The following EYA2 variants were observed in gnomAD, a reference collection of about 807,000 sequenced individuals.
The protein encoded by EYA2 is EYA transcriptional coactivator and phosphatase 2.
Under a neutral mutation model 69.2 loss-of-function variants are expected in EYA2, and 31 were observed. The ratio of observed to expected loss-of-function variants is 0.45; its 90% confidence interval spans 0.34 to 0.60. EYA2 has a LOEUF of 0.60. Among genes scored for constraint, EYA2 ranks in the 20% least tolerant of loss-of-function variants. EYA2 has a pLI of 0.02. For missense variants in EYA2, 622 were observed against 701.2 expected (o/e 0.89, Z 1.28); for synonymous variants, 257 against 279.4 (o/e 0.92, Z 0.80).
chr20:47,025,432 G>A (rs1490286538), intron 5 of EYA2, among the ~76,000 whole-genome samples: 1 of 152,198 alleles, frequency 6.6e-6, no homozygotes, highest in Non-Finnish European at 1.5e-5. Flanking sequence ...ACACTCTTCT[G>A]CACTTCGTTT....
chr20:46,978,639 G>A (rs1267382770), intron 1 of EYA2: 1 of 534,708 alleles, frequency 1.9e-6, no homozygotes, highest in Admixed American at 1.9e-5. Context: ...AGGATGAGGT[G>A]AGGCGGGCAG....
chr20:47,028,071 C>T (rs1984197406), intron 5 of EYA2, among the ~76,000 whole-genome samples: 1 of 152,088 alleles, frequency 6.6e-6, no homozygotes, highest in African/African-American at 2.4e-5. Context: ...AATGGGATTG[C>T]TGTTCTTATA....
chr20:47,084,069 A>G (rs544800864), intron 7 of EYA2, among the ~76,000 whole-genome samples: 1 of 152,122 alleles, frequency 6.6e-6, no homozygotes, highest in East Asian at 1.9e-4. Flanking sequence ...AACATGGTGA[A>G]ACCCTGTGTC....
intron 8 of EYA2, 49 bp from the exon 9 acceptor site, chr20:47,097,036 A>T: frequency 1.5e-6 from 2 of 1,337,460 alleles, no homozygotes; most frequent in Non-Finnish European, 2.1e-6. Context: ...ATTAAGTCAG[A>T]TGCACGTGAG....
intron 1 of EYA2, among the ~76,000 whole-genome samples, chr20:46,953,831 G>T (rs143608050): frequency 1.3e-5 from 2 of 152,014 alleles, no homozygotes; most frequent in Admixed American, 6.6e-5. Flanking sequence ...GGCATAGATC[G>T]CGTGAATAAG....
At chr20:47,054,507 G>A (rs1014032652) in intron 5 of EYA2, among the ~76,000 whole-genome samples, 11 of 152,254 alleles carry the variant, frequency 7.2e-5, no homozygotes, top group Non-Finnish European at 1.6e-4. Context: ...GCATGTGTGG[G>A]GGGCTGCTTG....
intron 9 of EYA2, among the ~76,000 whole-genome samples, chr20:47,105,348 G>A (rs1004507502): frequency 2.0e-5 from 3 of 152,142 alleles, no homozygotes; most frequent in Admixed American, 1.3e-4. Context: ...CCAGTGGCTG[G>A]GCGTGGTGGC....
intron 9 of EYA2, among the ~76,000 whole-genome samples, chr20:47,098,975 A>C (rs1445155245): frequency 1.3e-5 from 2 of 152,202 alleles, no homozygotes; most frequent in African/African-American, 4.8e-5. Context: ...GGTTTCTCCC[A>C]GAAGATCCTG....
chr20:47,088,611 G>T lies in EYA2; in HGVS notation c.662-628G>T, dbSNP rs147258151. Among the ~76,000 whole-genome samples the T allele has an allele frequency of 5.9e-4, 90 of 152,176 alleles. 1 individual carries two copies. Among genetic ancestry groups the T allele is most frequent in the African/African-American group, 2.0e-3 (84 of 41,540 alleles). ...TACTTGATTGGTTGATTTTAGAGAA[G>T]AGGCCTCGCTCTGTTATCCAGGTTG... is the stretch of plus-strand genomic sequence containing the variant. On this transcript the variant is annotated intron_variant, in intron 7 of 15. Transcript: ENST00000327619.
intron 9 of EYA2, among the ~76,000 whole-genome samples, chr20:47,137,522 A>G (rs2033504485): frequency 6.6e-6 from 1 of 152,182 alleles, no homozygotes; most frequent in South Asian, 2.1e-4. Context: ...AAAGCTGTCT[A>G]TTTTAGGCTT....
chr20:46,947,241 CTT>C, intron 1 of EYA2, among the ~76,000 whole-genome samples: 1 of 151,960 alleles, frequency 6.6e-6, no homozygotes, highest in Middle Eastern at 3.4e-3. Context: ...CCCAGGTTCT[CTT>C]GTCTAGTCTT....
intron 4 of EYA2, among the ~76,000 whole-genome samples, chr20:47,010,332 C>T (rs376923285): frequency 2.0e-5 from 3 of 147,084 alleles, no homozygotes; most frequent in Admixed American, 1.4e-4. Flanking sequence ...CTGCTGTGCT[C>T]GCAGCAGGTG....
chr20:46,929,152 C>CAAAAAAA (rs11329475), intron 1 of EYA2, among the ~76,000 whole-genome samples: 6 of 98,326 alleles, frequency 6.1e-5, no homozygotes, highest in Non-Finnish European at 8.5e-5. Flanking sequence ...ATAAGTTGTG[C>CAAAAAAA]AAAAAAAAAA....
intron 12 of EYA2, among the ~76,000 whole-genome samples, chr20:47,177,141 C>T (rs1421119551): frequency 6.6e-6 from 1 of 151,966 alleles, no homozygotes; most frequent in Non-Finnish European, 1.5e-5. Flanking sequence ...GAGACTGGGT[C>T]TCACTCTGTT....
chr20:47,085,226 G>A (rs1269023623), intron 7 of EYA2, among the ~76,000 whole-genome samples: 3 of 152,112 alleles, frequency 2.0e-5, no homozygotes, highest in Non-Finnish European at 4.4e-5. Flanking sequence ...CTAGACCAAT[G>A]TGTGAATTAA....
intron 15 of EYA2, among the ~76,000 whole-genome samples, chr20:47,185,788 A>G (rs1277889274): frequency 1.3e-5 from 2 of 152,204 alleles, no homozygotes; most frequent in African/African-American, 4.8e-5. Context: ...AGAATTGTTT[A>G]GAAACTACAG....
In EYA2 at chr20:47,078,347, A is replaced by G. The variant is rs868737417; in HGVS notation, c.661+4012A>G. Among the ~76,000 whole-genome samples the G allele has an allele frequency of 4.6e-3, 694 of 152,176 alleles. 8 individuals are homozygous for G. Among genetic ancestry groups the G allele is most frequent in the African/African-American group, 0.014 (597 of 41,478 alleles). Reference sequence around the variant, plus strand: ...CGCGCGCGCGCACACACACACACACACACACACACACACACATTCATGCAC... The same window carrying G: ...CGCGCGCGCGCACACACACACACACGCACACACACACACACATTCATGCAC... On this transcript the variant is annotated intron_variant, in intron 7 of 15. Transcript: ENST00000327619.
At chr20:46,903,529 C>G (rs1485461540) in intron 1 of EYA2, among the ~76,000 whole-genome samples, 2 of 152,190 alleles carry the variant, frequency 1.3e-5, no homozygotes, top group African/African-American at 4.8e-5. Flanking sequence ...AGATTAAGAG[C>G]TTGAGTCCAG....
chr20:47,141,511 C>T (rs1053612208), intron 9 of EYA2, among the ~76,000 whole-genome samples: 3 of 152,166 alleles, frequency 2.0e-5, no homozygotes, highest in Non-Finnish European at 4.4e-5. Context: ...GCATATTTTC[C>T]ATGTGTATCG....
Sources: gnomAD v4.1 joint callset for allele counts (sites outside exome capture counted in the v4.1 genomes callset) on GRCh38, gnomAD v4.1.1 for gene constraint, MANE v1.5 for transcripts, NCBI Gene and HGNC (gene_info 2026-07-23, HGNC 2026-07-21) for gene names.